Variants in ABR observed in about 807,000 individuals in gnomAD.
ABR encodes the protein active breakpoint cluster region-related protein.
Under a neutral mutation model 107.2 loss-of-function variants are expected in ABR, and 35 were observed. The ratio of observed to expected loss-of-function variants is 0.33; its 90% CI spans 0.25 to 0.43. The LOEUF (loss-of-function observed/expected upper bound fraction) is 0.43, where lower values mean the gene tolerates loss of function less well. Among genes scored for constraint, ABR ranks in the 20% least tolerant of loss-of-function variants. The probability of loss-of-function intolerance (pLI) is 1.00; values close to 1 mark genes in which losing one functional copy is unlikely to be tolerated. For synonymous variants in ABR, 498 were observed against 462.0 expected (o/e 1.08, Z -1.00); for missense variants, 815 against 1,115.2 (o/e 0.73, Z 3.83).
chr17:1,202,134 A>G (rs1411177395), intron 1 of ABR, among the ~76,000 whole-genome samples: 2 of 151,638 alleles, frequency 1.3e-5, no homozygotes, highest in Admixed American at 1.3e-4. Flanking sequence ...ATTTTTCGAA[A>G]CAGAGTCTGG....
At position 1,157,096 on chromosome 17, in the gene ABR, A is replaced by C. The variant is rs772326417; in HGVS notation, c.61+22571T>G. ...AGGAGGCAGGCACTAATATTATCTC[A>C]ATTTTACGGATGAGGAAACCGAAGC... On this transcript the variant is annotated intron_variant, in intron 1 of 22. Transcript: ENST00000302538. The surrounding 1 kb of genome is among the most constrained non-coding windows in gnomAD (Gnocchi z 4.7). Among the ~76,000 whole-genome samples the C allele has an allele frequency of 2.6e-5, 4 of 152,032 alleles. No homozygotes were observed. Among genetic ancestry groups the C allele is most frequent in the Non-Finnish European group, 5.9e-5 (4 of 68,008 alleles).
At chr17:1,028,672 G>T (rs978395155) in intron 16 of ABR, among the ~76,000 whole-genome samples, 3 of 152,216 alleles carry the variant, frequency 2.0e-5, no homozygotes, top group African/African-American at 7.2e-5. Context: ...GGAGCTCTTT[G>T]GAAGTAGGGG....
chr17:1,197,646 G>C (rs879858863), intron 1 of ABR, among the ~76,000 whole-genome samples: 8 of 151,652 alleles, frequency 5.3e-5, no homozygotes, highest in Non-Finnish European at 1.2e-4. Context: ...CACATGAGGG[G>C]AGTGCCAGAC....
chr17:1,079,839 G>GAAAAAAAAA (rs2036085190), intron 5 of ABR, among the ~76,000 whole-genome samples: 1 of 134,930 alleles, frequency 7.4e-6, no homozygotes, highest in Non-Finnish European at 1.6e-5. Flanking sequence ...AAAGACAAAG[G>GAAAAAAAAA]AGCCCCATGG....
At chr17:1,123,956 C>T (rs1471511961) in intron 2 of ABR, among the ~76,000 whole-genome samples, 6 of 152,184 alleles carry the variant, frequency 3.9e-5, no homozygotes, top group Non-Finnish European at 7.4e-5. Context: ...CCAACCCCCT[C>T]GCCGGCCCCC....
intron 1 of ABR, among the ~76,000 whole-genome samples, chr17:1,174,543 C>G (rs2041856305): frequency 6.6e-6 from 1 of 152,194 alleles, no homozygotes; most frequent in African/African-American, 2.4e-5. Context: ...ACTTTCCTGG[C>G]CCATAGATGG....
rs140563356 is a variant in ABR, at chr17:1,155,205, C to T, written c.61+24462G>A. Among the ~76,000 whole-genome samples, 111 of 152,238 alleles carry T rather than the reference C, an allele frequency of 7.3e-4. 1 individual carries two copies. The East Asian group carries it at 0.016, about 23-fold the overall frequency. On this transcript the variant is annotated intron_variant, in intron 1 of 22. Coordinates refer to ENST00000302538, the MANE Select transcript of ABR (RefSeq NM_021962.5). ...AACTGTCAGGCTGGGGGCATCTTTCCAGACACACAGATCCACGGAGTCACG... is the reference window on the plus strand; with the variant it reads ...AACTGTCAGGCTGGGGGCATCTTTCTAGACACACAGATCCACGGAGTCACG...
intron 1 of ABR, among the ~76,000 whole-genome samples, chr17:1,132,696 C>T (rs1225986875): frequency 1.3e-5 from 2 of 151,804 alleles, no homozygotes; most frequent in Non-Finnish European, 2.9e-5. Flanking sequence ...CTTTTACAAG[C>T]CAATGAGAAA....
rs1249042415 is a variant in ABR, at chr17:1,079,733, G to A, written c.640-343C>T. On this transcript the variant is annotated intron_variant, in intron 5 of 22. Coordinates refer to ENST00000302538, the MANE Select transcript of ABR (RefSeq NM_021962.5). ...GAACCTGGGAGGCGGAGGTTGCAGT[G>A]AGCCAAGATCACACCATTGCACTCC... is the stretch of plus-strand genomic sequence containing the variant. 1.4e-4 allele frequency among the ~76,000 whole-genome samples: 20 copies of A among 143,960 alleles called. No homozygotes were observed. In the East Asian group the frequency reaches 3.3e-3, roughly 24 times the overall value. 94.4% of individuals were successfully genotyped at this position (143,960 alleles called of 152,430 possible).
intron 16 of ABR, among the ~76,000 whole-genome samples, chr17:1,035,408 C>CA (rs2073097179): frequency 8.6e-6 from 1 of 116,952 alleles, no homozygotes; most frequent in Non-Finnish European, 1.8e-5. Context: ...CCTGCTCCCC[C>CA]ACCCCTTCCA....
chr17:1,083,348 G>A (rs2259400), intron 5 of ABR, 172 bp downstream of exon 5: 170 of 322,706 alleles, frequency 5.3e-4, no homozygotes, highest in African/African-American at 3.5e-3. Context: ...AAAATAGATC[G>A]TTTTCTATTA....
At chr17:1,059,000 G>T in intron 10 of ABR, 133 bp from the exon 11 acceptor site, 2 of 1,359,850 alleles carry the variant, frequency 1.5e-6, no homozygotes, top group Non-Finnish European at 2.0e-6. Context: ...TTGACATCTT[G>T]TGGCAGGAGA....
At chr17:1,024,783 C>CAAAAAAAA (rs57876178) in intron 16 of ABR, among the ~76,000 whole-genome samples, 1 of 92,774 alleles carries the variant, frequency 1.1e-5, no homozygotes, top group Non-Finnish European at 2.0e-5. Context: ...GAGACTCCCA[C>CAAAAAAAA]AAAAAAAAAA....
chr17:1,217,418 G>T (rs2043030872), intron 1 of ABR, among the ~76,000 whole-genome samples: 1 of 152,260 alleles, frequency 6.6e-6, no homozygotes, highest in South Asian at 2.1e-4. Flanking sequence ...GGCCAAACTA[G>T]TAACAGTGGG....
intron 1 of ABR, among the ~76,000 whole-genome samples, chr17:1,146,820 C>G (rs2040565650): frequency 7.0e-6 from 1 of 143,622 alleles, no homozygotes; most frequent in Non-Finnish European, 1.6e-5. Flanking sequence ...CAGGCCACCA[C>G]TGCCACACGA....
At position 1,018,259 on chromosome 17, in the gene ABR, G is replaced by T. The variant is rs965022700; in HGVS notation, c.1792-5095C>A. On this transcript the variant is annotated intron_variant, in intron 16 of 22. Coordinates refer to ENST00000302538, the MANE Select transcript of ABR (RefSeq NM_021962.5). ...GGGTTTCACCGTGTTAGCCAGGATGGTCTTGATCTCCTGACCTCGTGATTC... is the reference window on the plus strand; with the variant it reads ...GGGTTTCACCGTGTTAGCCAGGATGTTCTTGATCTCCTGACCTCGTGATTC... Among the ~76,000 whole-genome samples the T allele has an allele frequency of 6.0e-5, 9 of 151,150 alleles. No homozygotes were observed. The South Asian group carries it at 1.7e-3, about 28-fold the overall frequency.
upstream of ABR, chr17:1,182,281 G>A (rs1404410279): frequency 6.6e-6 from 1 of 152,204 alleles, no homozygotes; most frequent in Non-Finnish European, 1.5e-5. Context: ...GAAAACCGAG[G>A]CCCTGAGCAG....
At chr17:1,206,203 CAT>C (rs753908925) in intron 1 of ABR, among the ~76,000 whole-genome samples, 2 of 152,162 alleles carry the variant, frequency 1.3e-5, no homozygotes. Flanking sequence ...AGTGAGCTCT[CAT>C]GTGACCACTG....
intron 4 of ABR, among the ~76,000 whole-genome samples, chr17:1,089,881 A>C (rs1018240998): frequency 6.6e-6 from 1 of 151,974 alleles, no homozygotes; most frequent in Non-Finnish European, 1.5e-5. Flanking sequence ...AATCACTTGA[A>C]CCCGCGAGGA....
Sources: allele counts gnomAD v4.1 joint callset (sites outside exome capture counted in the v4.1 genomes callset), GRCh38; gene constraint gnomAD v4.1.1; non-coding constraint Gnocchi (gnomAD v3.1); transcripts MANE v1.5; gene names NCBI Gene and HGNC (gene_info 2026-07-23, HGNC 2026-07-21).